TMEM38B: variants seen among roughly 807,000 people sequenced by gnomAD.
TMEM38B encodes trimeric intracellular cation channel type B.
In TMEM38B, 24 loss-of-function variants were observed where a neutral mutation model predicts 28.7. That is an observed-to-expected ratio of 0.84 (90% CI 0.61 to 1.18). The LOEUF (loss-of-function observed/expected upper bound fraction) is 1.18, where lower values mean the gene tolerates loss of function less well. TMEM38B is among the 50% of genes most tolerant of loss of function. TMEM38B has a pLI of 0.00. For missense variants in TMEM38B, 380 were observed against 350.9 expected, an observed-to-expected ratio of 1.08 and a Z score of -0.66; for synonymous variants, 131 against 127.7, an observed-to-expected ratio of 1.03 and a Z score of -0.17.
At chr9:105,761,367 A>AAT (rs967325976) in intron 5 of TMEM38B, among the ~76,000 whole-genome samples, 2 of 152,240 alleles carry the variant, frequency 1.3e-5, no homozygotes, top group South Asian at 4.1e-4. Context: ...TCATTTGTTT[A>AAT]ATATATATAT....
intron 5 of TMEM38B, among the ~76,000 whole-genome samples, chr9:105,765,875 C>G (rs1826354534): frequency 1.3e-5 from 2 of 151,902 alleles, no homozygotes; most frequent in African/African-American, 2.4e-5. Flanking sequence ...GATCTTGGCT[C>G]ACTGCAACCT....
rs1254503963 is a variant in TMEM38B at position 105,748,192 on chromosome 9, T to C, written c.660+2T>C. The C allele has an allele frequency of 6.3e-7, 1 of 1,595,816 alleles. No individual in the cohort carries two copies. On this transcript the variant is annotated splice_donor_variant, in intron 5 of 5. Coordinates refer to ENST00000374692, the MANE Select transcript of TMEM38B (RefSeq NM_018112.3). LOFTEE classifies it high-confidence loss of function. ...ACCATCTTTATTGTGGCCACAAAGG[T>C]AAGAATTCAAAGTACCTATAATTAT...
At chr9:105,732,151 G>A (rs547906988) in intron 4 of TMEM38B, among the ~76,000 whole-genome samples, 200 of 152,226 alleles carry the variant, frequency 1.3e-3, no homozygotes, top group African/African-American at 4.6e-3. Context: ...TTTCGATGGG[G>A]TTGTTTGATT....
intron 4 of TMEM38B, among the ~76,000 whole-genome samples, chr9:105,745,940 A>G (rs1274293976): frequency 1.3e-5 from 2 of 151,984 alleles, no homozygotes; most frequent in Admixed American, 6.6e-5. Flanking sequence ...ATTGGTCTAT[A>G]TCTCTGTTTT....
intron 5 of TMEM38B, among the ~76,000 whole-genome samples, chr9:105,765,132 C>CA (rs1180228361): frequency 2.0e-4 from 30 of 152,260 alleles, no homozygotes; most frequent in Admixed American, 1.2e-3. Flanking sequence ...AAATTGAATT[C>CA]TTTCTAAGGC....
At chr9:105,733,025 T>G (rs1836820777) in intron 4 of TMEM38B, among the ~76,000 whole-genome samples, 1 of 152,174 alleles carries the variant, frequency 6.6e-6, no homozygotes, top group African/African-American at 2.4e-5. Context: ...TTGTTCAGTT[T>G]CCATGTAGTT....
In TMEM38B at chr9:105,721,389, T is replaced by C. The variant is rs1321099389; in HGVS notation, c.270-148T>C. 8 of 628,956 alleles carry C rather than the reference T, an allele frequency of 1.3e-5. No individual in the cohort carries two copies. In the Admixed American group the frequency reaches 1.8e-4, roughly 14 times the overall value. The allele number at this position is 628,956 out of a possible 1,614,324, so 39.0% of individuals were successfully genotyped here. On this transcript the variant is annotated intron_variant, in intron 2 of 5. Coordinates refer to ENST00000374692, the MANE Select transcript of TMEM38B (RefSeq NM_018112.3). The stretch of plus-strand genomic sequence containing the variant: ...TTAAAAAATTGCCTCCCTACCCAAG[T>C]TGTGCTTTTATTGAAATCAAGTTAA...
At chr9:105,730,096 C>G (rs1045413653) in intron 4 of TMEM38B, among the ~76,000 whole-genome samples, 1 of 152,032 alleles carries the variant, frequency 6.6e-6, no homozygotes, top group Non-Finnish European at 1.5e-5. Context: ...TTGCCCTGGC[C>G]AGACCTTCCA....
At chr9:105,758,162 C>G (rs1237416372) in intron 5 of TMEM38B, 60 of 618,590 alleles carry the variant, frequency 9.7e-5, no homozygotes, top group Non-Finnish European at 1.6e-4. Context: ...ACTGACAGAC[C>G]TATGGAGAGT....
At chr9:105,760,133 GT>G in intron 5 of TMEM38B, 2 of 881,788 alleles carry the variant, frequency 2.3e-6, no homozygotes, top group Non-Finnish European at 3.9e-6. Flanking sequence ...CAATTGTGTC[GT>G]TTGTTACTTC....
intron 4 of TMEM38B, among the ~76,000 whole-genome samples, chr9:105,737,373 A>G (rs1837022084): frequency 6.6e-6 from 1 of 152,158 alleles, no homozygotes; most frequent in African/African-American, 2.4e-5. Flanking sequence ...AGTACACACC[A>G]GAAACTCAGC....
intron 5 of TMEM38B, among the ~76,000 whole-genome samples, chr9:105,767,774 T>C (rs1214975515): frequency 3.3e-5 from 5 of 152,340 alleles, no homozygotes; most frequent in African/African-American, 1.2e-4. Context: ...AGAATAATCT[T>C]ACACATTGTT....
chr9:105,733,604 T>C (rs11515432), intron 4 of TMEM38B, among the ~76,000 whole-genome samples: 10 of 152,020 alleles, frequency 6.6e-5, no homozygotes, highest in Admixed American at 6.6e-5. Context: ...TCTGGGCTTT[T>C]TATTCCCTTG....
chr9:105,701,845 G>GTTCTAA (rs750204215), intron 1 of TMEM38B, among the ~76,000 whole-genome samples: 37 of 152,196 alleles, frequency 2.4e-4, no homozygotes, highest in South Asian at 2.1e-4. Flanking sequence ...AAGTATGTCT[G>GTTCTAA]TTCTAATTAC....
intron 2 of TMEM38B, 131 bp downstream of exon 2, chr9:105,705,884 C>T (rs942227717): frequency 6.4e-5 from 59 of 926,658 alleles, no homozygotes; most frequent in Middle Eastern, 3.4e-4. Flanking sequence ...AAGGAAGGAA[C>T]CCAAATAATG....
intron 4 of TMEM38B, among the ~76,000 whole-genome samples, chr9:105,739,643 G>T (rs1837120547): frequency 6.6e-6 from 1 of 152,008 alleles, no homozygotes; most frequent in Non-Finnish European, 1.5e-5. Context: ...TCCTGCCTCA[G>T]CCTCCCAAGT....
intron 1 of TMEM38B, among the ~76,000 whole-genome samples, chr9:105,704,529 AGTT>A (rs576076389): frequency 4.6e-5 from 7 of 152,066 alleles, no homozygotes; most frequent in East Asian, 3.9e-4. Context: ...AATATAAGCC[AGTT>A]GTTGTTGTTG....
chr9:105,756,112 G>T (rs1837822012), intron 5 of TMEM38B, among the ~76,000 whole-genome samples: 1 of 152,100 alleles, frequency 6.6e-6, no homozygotes, highest in African/African-American at 2.4e-5. Context: ...TCGCGCCATT[G>T]CACTCTAGCC....
At chr9:105,731,652 C>G (rs1836753282) in intron 4 of TMEM38B, among the ~76,000 whole-genome samples, 1 of 152,104 alleles carries the variant, frequency 6.6e-6, no homozygotes, top group Admixed American at 6.6e-5. Flanking sequence ...TTTTTTATGG[C>G]TGCATAGTAT....
Sources: allele counts gnomAD v4.1 joint callset (sites outside exome capture counted in the v4.1 genomes callset), GRCh38; gene constraint gnomAD v4.1.1; transcripts MANE v1.5; gene names NCBI Gene and HGNC (gene_info 2026-07-23, HGNC 2026-07-21).